Variants in OPCML observed in about 807,000 individuals in gnomAD.
OPCML encodes opioid-binding protein/cell adhesion molecule.
OPCML carries 13 observed loss-of-function variants against 37.8 expected under a neutral mutation model. The ratio of observed to expected loss-of-function variants is 0.34; its 90% confidence interval spans 0.22 to 0.55. OPCML has a LOEUF of 0.55. OPCML is among the 20% of genes least tolerant of loss of function. The probability of loss-of-function intolerance (pLI) is 0.91; values close to 1 mark genes in which losing one functional copy is unlikely to be tolerated. For missense variants in OPCML, 341 were observed against 435.6 expected, an observed-to-expected ratio of 0.78 and a Z score of 1.93; for synonymous variants, 176 against 168.8, an observed-to-expected ratio of 1.04 and a Z score of -0.33.
At chr11:132,767,294 C>T (rs187211273) in intron 2 of OPCML, among the ~76,000 whole-genome samples, 161 of 147,816 alleles carry the variant, frequency 1.1e-3, no homozygotes, top group African/African-American at 2.9e-3. Context: ...TGTGTGTGCA[C>T]GCACACATGT....
Position 133,230,686 on chromosome 11 carries a change from C to T in OPCML, c.62-287676G>A, listed in dbSNP as rs75504451. 9.8e-4 allele frequency among the ~76,000 whole-genome samples: 149 copies of T among 152,312 alleles called. 1 individual carries two copies. The East Asian group carries it at 0.026, about 27-fold the overall frequency. On this transcript the variant is annotated intron_variant, in intron 1 of 7. Coordinates refer to ENST00000524381, the MANE Select transcript of OPCML (RefSeq NM_001012393.5). ...ATCATAAAAGTAGATGGCATGCAGA[C>T]AGTGGAGCAGCCTCAGCCTGGCCAC...
intron 4 of OPCML, among the ~76,000 whole-genome samples, chr11:132,489,774 C>T (rs1450105458): frequency 2.0e-5 from 3 of 152,068 alleles, no homozygotes; most frequent in Non-Finnish European, 4.4e-5. Flanking sequence ...CTGCATCCAT[C>T]CACCAATCAT....
rs144497687 is a variant in OPCML, at chr11:132,923,079, A to AAAAAAAAT, written c.146+19846_146+19847insATTTTTTT. ...ACAGAGTGAGACTCCGTCTCAGAAAAAAATAAATAAATAAATAATAATAAT... is the reference window on the plus strand; with the variant it reads ...ACAGAGTGAGACTCCGTCTCAGAAAAAAAAAAATAAATAAATAAATAAATAATAATAAT... On this transcript the variant is annotated intron_variant, in intron 2 of 7. Coordinates refer to ENST00000524381, the MANE Select transcript of OPCML (RefSeq NM_001012393.5). Among the ~76,000 whole-genome samples, 123 of 146,076 alleles carry AAAAAAAAT rather than the reference A, an allele frequency of 8.4e-4. No individual in the cohort carries two copies. In the South Asian group the frequency reaches 0.016, roughly 18 times the overall value.
At chr11:132,623,022 G>T (rs1021331300) in intron 3 of OPCML, among the ~76,000 whole-genome samples, 3 of 152,122 alleles carry the variant, frequency 2.0e-5, no homozygotes, top group African/African-American at 4.8e-5. Context: ...CCAACAGAAA[G>T]TACCTTATAA....
At position 132,694,179 on chromosome 11, in the gene OPCML, C is replaced by CTTTTTTTTTTTTT. The variant is rs1162305568; in HGVS notation, c.147-36873_147-36861dup. Among the ~76,000 whole-genome samples, 3 of 43,016 alleles carry CTTTTTTTTTTTTT rather than the reference C, an allele frequency of 7.0e-5. 1 individual carries two copies. Among genetic ancestry groups the CTTTTTTTTTTTTT allele is most frequent in the African/African-American group, 1.8e-4 (2 of 11,034 alleles). The allele number at this position is 43,016 out of a possible 152,430, so 28.2% of individuals were successfully genotyped here. ...GAGTTTCGTTCTGTGAAATCAATGT[C>CTTTTTTTTTTTTT]TTTTTTTTTTTTTTTTTTTTTTTTT... On this transcript the variant is annotated intron_variant, in intron 2 of 7. Transcript: ENST00000524381.
intron 3 of OPCML, among the ~76,000 whole-genome samples, chr11:132,554,883 T>TTTTTTTTTC (rs2096391281): frequency 8.0e-6 from 1 of 125,660 alleles, no homozygotes; most frequent in Non-Finnish European, 1.7e-5. Flanking sequence ...TTTTTTTTTT[T>TTTTTTTTTC]TTTTTTTTCA....
At position 133,435,584 on chromosome 11, in the gene OPCML, C is replaced by A. The variant is rs554548499; in HGVS notation, c.61+96680G>T. Among the ~76,000 whole-genome samples, 6 of 152,198 alleles carry A rather than the reference C, an allele frequency of 3.9e-5. No homozygotes were observed. In the South Asian group the frequency reaches 1.0e-3, roughly 26 times the overall value. On this transcript the variant is annotated intron_variant, in intron 1 of 7. Transcript: ENST00000524381. Reference sequence around the variant, plus strand: ...TCCTCATTCATTATTAATAGGCTTTCTAGAGATCAAAAAAGTGGATTCCAA... The same window carrying A: ...TCCTCATTCATTATTAATAGGCTTTATAGAGATCAAAAAAGTGGATTCCAA...
At chr11:133,081,520 T>C (rs1455022173) in intron 1 of OPCML, among the ~76,000 whole-genome samples, 1 of 152,170 alleles carries the variant, frequency 6.6e-6, no homozygotes, top group Non-Finnish European at 1.5e-5. Flanking sequence ...CTGTATTTGG[T>C]GTTCACAGCT....
intron 2 of OPCML, among the ~76,000 whole-genome samples, chr11:132,885,004 A>G (rs191041735): frequency 6.6e-6 from 1 of 152,334 alleles, no homozygotes; most frequent in East Asian, 1.9e-4. Flanking sequence ...TCTGGCTGAC[A>G]TTGATCATGT....
intron 2 of OPCML, among the ~76,000 whole-genome samples, chr11:132,689,800 A>C (rs1312785800): frequency 6.6e-6 from 1 of 152,236 alleles, no homozygotes; most frequent in South Asian, 2.1e-4. Flanking sequence ...TGTAAAATAC[A>C]TCAATGGAAA....
intron 1 of OPCML, among the ~76,000 whole-genome samples, chr11:133,132,377 T>C (rs1227828658): frequency 1.3e-5 from 2 of 152,228 alleles, no homozygotes. Context: ...AGACTGATTA[T>C]ACCTGGTGCT....
At chr11:133,179,405 C>A (rs1937713826) in intron 1 of OPCML, among the ~76,000 whole-genome samples, 1 of 151,962 alleles carries the variant, frequency 6.6e-6, no homozygotes, top group South Asian at 2.1e-4. Flanking sequence ...AAAGTGTTTT[C>A]TCCAGCAGGT....
chr11:133,048,966 T>A (rs994989426), intron 1 of OPCML, among the ~76,000 whole-genome samples: 1 of 152,234 alleles, frequency 6.6e-6, no homozygotes, highest in Non-Finnish European at 1.5e-5. Flanking sequence ...AGATAAATGT[T>A]TTCCATTGAT....
chr11:133,167,057 G>T (rs1950217550), intron 1 of OPCML, among the ~76,000 whole-genome samples: 1 of 152,172 alleles, frequency 6.6e-6, no homozygotes, highest in Non-Finnish European at 1.5e-5. Context: ...AAAAGAGGCT[G>T]AACAGCCACA....
intron 1 of OPCML, among the ~76,000 whole-genome samples, chr11:133,116,788 G>T (rs554157434): frequency 7.6e-6 from 1 of 130,990 alleles, no homozygotes; most frequent in Admixed American, 7.3e-5. Flanking sequence ...TTTGTGGGAA[G>T]ATATTTTAAA....
chr11:132,957,178 C>G (rs546782848), intron 1 of OPCML, among the ~76,000 whole-genome samples: 1 of 152,252 alleles, frequency 6.6e-6, no homozygotes, highest in East Asian at 1.9e-4. Context: ...GGTCATGAGG[C>G]TCAAAATTTC....
At chr11:132,427,571 T>C (rs2095981785) in intron 7 of OPCML, among the ~76,000 whole-genome samples, 1 of 152,232 alleles carries the variant, frequency 6.6e-6, no homozygotes, top group South Asian at 2.1e-4. Context: ...GGCAACCATC[T>C]TTCTTCTGTT....
At chr11:133,052,064 C>A (rs1948141844) in intron 1 of OPCML, among the ~76,000 whole-genome samples, 2 of 152,158 alleles carry the variant, frequency 1.3e-5, no homozygotes, top group Non-Finnish European at 2.9e-5. Flanking sequence ...GGGGACATCA[C>A]AAAGAGATTT....
At chr11:133,007,353 CTG>C (rs1176453740) in intron 1 of OPCML, 2 of 985,332 alleles carry the variant, frequency 2.0e-6, no homozygotes, top group Non-Finnish European at 2.4e-6. Flanking sequence ...CCTCCCTTAT[CTG>C]TGTGATTAGC....
Sources: allele counts gnomAD v4.1 joint callset (sites outside exome capture counted in the v4.1 genomes callset), GRCh38; gene constraint gnomAD v4.1.1; transcripts MANE v1.5; gene names NCBI Gene and HGNC (gene_info 2026-07-23, HGNC 2026-07-21).